Variants in KIAA1328 observed in about 807,000 individuals in gnomAD.
The protein encoded by KIAA1328 is KIAA1328.
A neutral mutation model predicts 68.1 loss-of-function variants in KIAA1328; 52 were observed. The observed-to-expected ratio is 0.76, with a 90% CI of 0.61 to 0.96. KIAA1328 has a LOEUF of 0.96. Among genes scored for constraint, KIAA1328 ranks in the 40% least tolerant of loss-of-function variants. The pLI, the probability that KIAA1328 is intolerant of heterozygous loss-of-function variation, is 0.00. For missense variants in KIAA1328, 641 were observed against 677.6 expected (o/e 0.95, Z 0.60); for synonymous variants, 232 against 239.4 (o/e 0.97, Z 0.28).
chr18:37,180,269 C>T (rs1028591907), intron 9 of KIAA1328, among the ~76,000 whole-genome samples: 3 of 152,068 alleles, frequency 2.0e-5, no homozygotes, highest in Non-Finnish European at 4.4e-5. Flanking sequence ...TAGTATTATC[C>T]GATTTGACAA....
At chr18:37,101,663 A>G (rs1307235803) in intron 7 of KIAA1328, among the ~76,000 whole-genome samples, 1 of 152,216 alleles carries the variant, frequency 6.6e-6, no homozygotes, top group East Asian at 1.9e-4. Flanking sequence ...GGAAATACAG[A>G]GAATGCTACA....
intron 6 of KIAA1328, among the ~76,000 whole-genome samples, chr18:37,001,152 A>G (rs894604644): frequency 3.9e-5 from 6 of 152,060 alleles, no homozygotes; most frequent in Non-Finnish European, 8.8e-5. Context: ...AAGATGAGAG[A>G]AGATCCAAAT....
chr18:37,145,373 G>A (rs757626157), intron 7 of KIAA1328, among the ~76,000 whole-genome samples: 10 of 152,112 alleles, frequency 6.6e-5, no homozygotes, highest in Non-Finnish European at 1.5e-4. Context: ...AACACAACGT[G>A]TGATCTGTCT....
At chr18:36,975,403 C>T (rs1001048652) in intron 6 of KIAA1328, among the ~76,000 whole-genome samples, 4 of 151,936 alleles carry the variant, frequency 2.6e-5, no homozygotes, top group South Asian at 2.1e-4. Flanking sequence ...GGGATGGTCT[C>T]GATCTCCTGA....
chr18:37,019,505 C>A (rs1309735167), intron 6 of KIAA1328, among the ~76,000 whole-genome samples: 1 of 152,244 alleles, frequency 6.6e-6, no homozygotes, highest in Non-Finnish European at 1.5e-5. Flanking sequence ...ACCTACAGAT[C>A]CCCTGATGGC....
chr18:37,212,415 G>A (rs1425145022), intron 9 of KIAA1328, among the ~76,000 whole-genome samples: 1 of 152,162 alleles, frequency 6.6e-6, no homozygotes, highest in East Asian at 1.9e-4. Flanking sequence ...CCTAGGACTT[G>A]AGGGCAGGGC....
At chr18:36,922,730 G>GCCT (rs2151114702) in intron 5 of KIAA1328, among the ~76,000 whole-genome samples, 1 of 152,246 alleles carries the variant, frequency 6.6e-6, no homozygotes, top group South Asian at 2.1e-4. Flanking sequence ...CTCAACAGAA[G>GCCT]TCTAAAGAAG....
chr18:37,153,142 TA>T (rs1311539976), intron 7 of KIAA1328, among the ~76,000 whole-genome samples: 2 of 152,192 alleles, frequency 1.3e-5, no homozygotes, highest in African/African-American at 2.4e-5. Flanking sequence ...TTTTGGGCCT[TA>T]TGTAAGTCAG....
rs560415502 is a variant in KIAA1328, at chr18:37,050,310, ATTAG to A, written c.577-16577_577-16574del. On this transcript the variant is annotated intron_variant, in intron 6 of 9. Transcript: ENST00000280020. ...GTTGCGTCCTTAAATGAATCTTAGTATTAGTTGGCTTTATTCTCCTTTATGTTTT... is the reference window on the plus strand; with the variant it reads ...GTTGCGTCCTTAAATGAATCTTAGTATTGGCTTTATTCTCCTTTATGTTTT... 3.5e-3 allele frequency among the ~76,000 whole-genome samples: 531 copies of A among 152,262 alleles called. 2 individuals are homozygous for A. The highest frequency in any genetic ancestry group is 5.8e-3 in the Non-Finnish European group (394 of 67,990).
At chr18:36,971,697 A>G (rs1568234429) in intron 6 of KIAA1328, among the ~76,000 whole-genome samples, 1 of 152,314 alleles carries the variant, frequency 6.6e-6, no homozygotes, top group South Asian at 2.1e-4. Flanking sequence ...ATAAAAAAGA[A>G]CGAGATCATG....
intron 5 of KIAA1328, among the ~76,000 whole-genome samples, chr18:36,910,858 T>C (rs1219459148): frequency 2.6e-5 from 4 of 152,126 alleles, no homozygotes; most frequent in Non-Finnish European, 2.9e-5. Context: ...GCATTGAGTG[T>C]TTCTGCTTGC....
At chr18:36,919,876 A>C (rs1187487266) in intron 5 of KIAA1328, among the ~76,000 whole-genome samples, 3 of 152,108 alleles carry the variant, frequency 2.0e-5, no homozygotes, top group Non-Finnish European at 4.4e-5. Flanking sequence ...TCCTTTGAGA[A>C]GTGTCTGTTC....
chr18:37,031,603 A>G (rs2054831914), intron 6 of KIAA1328, among the ~76,000 whole-genome samples: 1 of 151,992 alleles, frequency 6.6e-6, no homozygotes, highest in South Asian at 2.1e-4. Flanking sequence ...TTTGCTTTTG[A>G]TTTATAATCT....
At chr18:36,973,738 C>T (rs16968452) in intron 6 of KIAA1328, among the ~76,000 whole-genome samples, 3,512 of 151,574 alleles carry the variant, frequency 0.023, 132 homozygotes, top group African/African-American at 0.08. Context: ...CTATTGTCTT[C>T]CAGTTAGTGG....
intron 7 of KIAA1328, among the ~76,000 whole-genome samples, chr18:37,072,459 A>G (rs1223534975): frequency 1.3e-5 from 2 of 152,002 alleles, no homozygotes; most frequent in East Asian, 3.9e-4. Context: ...TTTTACTGTG[A>G]TATGTCTTGA....
At chr18:36,981,046 G>GA (rs2052664171) in intron 6 of KIAA1328, among the ~76,000 whole-genome samples, 1 of 152,156 alleles carries the variant, frequency 6.6e-6, no homozygotes, top group African/African-American at 2.4e-5. Context: ...AATTGGTGAG[G>GA]AACAAATAAT....
At chr18:37,032,311 A>G (rs1389362641) in intron 6 of KIAA1328, among the ~76,000 whole-genome samples, 1 of 152,234 alleles carries the variant, frequency 6.6e-6, no homozygotes, top group East Asian at 1.9e-4. Flanking sequence ...ATTTACTTCT[A>G]CATGTGTTGT....
intron 5 of KIAA1328, among the ~76,000 whole-genome samples, chr18:36,940,412 C>T (rs2151182400): frequency 6.6e-6 from 1 of 152,258 alleles, no homozygotes; most frequent in South Asian, 2.1e-4. Context: ...CTTTTTATGG[C>T]AGGTTGATTA....
chr18:37,123,192 A>C (rs976761617), intron 7 of KIAA1328, among the ~76,000 whole-genome samples: 1 of 152,184 alleles, frequency 6.6e-6, no homozygotes, highest in Non-Finnish European at 1.5e-5. Context: ...CATTTCAGCA[A>C]AATCAAAGAG....
Sources: allele counts gnomAD v4.1 joint callset (sites outside exome capture counted in the v4.1 genomes callset), GRCh38; gene constraint gnomAD v4.1.1; transcripts MANE v1.5; gene names NCBI Gene and HGNC (gene_info 2026-07-23, HGNC 2026-07-21).